The following ACVR2B variants were observed in gnomAD, a reference collection of about 807,000 sequenced individuals.
ACVR2B encodes the protein activin receptor type-2B.
In ACVR2B, 18 loss-of-function variants were observed where a neutral mutation model predicts 65.1. The observed-to-expected ratio is 0.28, with a 90% CI of 0.19 to 0.41. ACVR2B has a LOEUF of 0.41. Among genes scored for constraint, ACVR2B ranks in the 10% least tolerant of loss-of-function variants. ACVR2B has a pLI of 1.00. For synonymous variants in ACVR2B, 298 were observed against 277.7 expected, an observed-to-expected ratio of 1.07 and a Z score of -0.73; for missense variants, 482 against 682.7, an observed-to-expected ratio of 0.71 and a Z score of 3.28.
In ACVR2B at chr3:38,477,501, C is replaced by G. The variant is rs147683346; in HGVS notation, c.260+7C>G. 6.7e-5 allele frequency: 108 copies of G among 1,613,236 alleles called. No individual in the cohort carries two copies. In the East Asian group the frequency reaches 2.4e-3, roughly 36 times the overall value. On this transcript the variant is annotated splice_region_variant and intron_variant, in intron 2 of 10. Coordinates refer to ENST00000352511, the MANE Select transcript of ACVR2B (RefSeq NM_001106.4). The surrounding 1 kb of genome is among the most constrained non-coding windows in gnomAD (Gnocchi z 6.7). The stretch of plus-strand genomic sequence containing the variant: ...ACTTCAACTGCTACGATAGGTACCC[C>G]AAGACTTGCCCTCCTTTCCTCTTGG...
At chr3:38,476,865 G>A (rs1452270702) in intron 1 of ACVR2B, 2 of 301,710 alleles carry the variant, frequency 6.6e-6, no homozygotes, top group African/African-American at 4.3e-5. Flanking sequence ...ATTCCGATGT[G>A]CACTGGGGTT....
At chr3:38,476,121 A>T (rs889259340) in intron 1 of ACVR2B, 4 of 152,264 alleles carry the variant, frequency 2.6e-5, no homozygotes, top group Admixed American at 2.6e-4. Flanking sequence ...CTCCTTTGGC[A>T]TCTCCATACT....
intron 1 of ACVR2B, chr3:38,459,645 C>G: frequency 3.0e-6 from 3 of 985,416 alleles, no homozygotes; most frequent in Non-Finnish European, 3.6e-6. Flanking sequence ...GCCTGGAGCC[C>G]CCAGGCCGGG....
intron 1 of ACVR2B, 111 bp downstream of exon 1, chr3:38,454,485 C>A: frequency 1.0e-6 from 1 of 996,584 alleles, no homozygotes; most frequent in Non-Finnish European, 1.3e-6. Context: ...CGCCGCACCA[C>A]CTGTATTCAG....
chr3:38,483,908 CG>C lies in ACVR2B; in HGVS notation c.*579del, dbSNP rs1207562683. Reference sequence around the variant, plus strand: ...GCAGATGTGTCTTTCACGGATCTAACGGGTGTTGTCCTGATCGAGAAAAAAA... The same window carrying C: ...GCAGATGTGTCTTTCACGGATCTAACGGTGTTGTCCTGATCGAGAAAAAAA... On this transcript the variant is annotated 3_prime_UTR_variant, in exon 11 of 11. Coordinates refer to ENST00000352511, the MANE Select transcript of ACVR2B (RefSeq NM_001106.4). The surrounding 1 kb of genome is among the most constrained non-coding windows in gnomAD (Gnocchi z 4.8). 6.6e-6 allele frequency: 1 copy of C among 152,304 alleles called. No individual in the cohort carries two copies. Among genetic ancestry groups the C allele is most frequent in the Non-Finnish European group, 1.5e-5 (1 of 68,328 alleles). 9.4% of individuals were successfully genotyped at this position (152,304 alleles called of 1,614,324 possible).
intron 10 of ACVR2B, 94 bp downstream of exon 10, chr3:38,482,654 A>G: frequency 2.0e-6 from 3 of 1,536,998 alleles, no homozygotes; most frequent in South Asian, 1.2e-5. Flanking sequence ...GGGAATGGGC[A>G]AATAGAAAGT....
Position 38,485,025 on chromosome 3 carries a change from A to G in ACVR2B, c.*1693A>G, listed in dbSNP as rs2125728196. The G allele has an allele frequency of 6.6e-6, 1 of 152,532 alleles. No individual in the cohort carries two copies. Among genetic ancestry groups the G allele is most frequent in the South Asian group, 2.1e-4 (1 of 4,824 alleles). The allele number at this position is 152,532 out of a possible 1,614,324, so 9.4% of individuals were successfully genotyped here. On this transcript the variant is annotated 3_prime_UTR_variant, in exon 11 of 11. Coordinates refer to ENST00000352511, the MANE Select transcript of ACVR2B (RefSeq NM_001106.4). ...CTGTCTGGGCCAAGTCTGGGCATTT[A>G]TCAGTCTTGTTTGTGAAGGCTTTTC... is the stretch of plus-strand genomic sequence containing the variant.
chr3:38,475,083 G>A (rs1023815153), intron 1 of ACVR2B: 1 of 152,320 alleles, frequency 6.6e-6, no homozygotes, highest in Non-Finnish European at 1.5e-5. Flanking sequence ...GGGAGAGGAG[G>A]CCCTGTGGCC....
Position 38,478,433 on chromosome 3 carries a change from A to T in ACVR2B, c.581A>T (p.Glu194Val). Reference sequence around the variant, plus strand: ...GGCCTGAAGCCACTGCAGCTGCTGGAGATCAAGGCTCGGGGGCGCTTTGGC... The same window carrying T: ...GGCCTGAAGCCACTGCAGCTGCTGGTGATCAAGGCTCGGGGGCGCTTTGGC... The part of the protein sequence containing the change: ...LVGLKPLQLL[E>V]IKARGRFGCV... The change falls in exon 5 of 11, where the codon GAG (glutamate) becomes GTG (valine). Residue 194 changes from glutamate to valine, a missense_variant. Transcript: ENST00000352511. 1.9e-6 allele frequency: 3 copies of T among 1,614,086 alleles called. No homozygotes were observed. Among genetic ancestry groups the T allele is most frequent in the Non-Finnish European group, 2.5e-6 (3 of 1,180,008 alleles).
At chr3:38,459,643 C>T (rs1416794711) in intron 1 of ACVR2B, 9 of 985,276 alleles carry the variant, frequency 9.1e-6, no homozygotes, top group Non-Finnish European at 1.1e-5. Context: ...GGGCCTGGAG[C>T]CCCCAGGCCG....
intron 1 of ACVR2B, among the ~76,000 whole-genome samples, chr3:38,462,275 A>C (rs1420999293): frequency 6.6e-6 from 1 of 152,238 alleles, no homozygotes; most frequent in Non-Finnish European, 1.5e-5. Flanking sequence ...TCAAGCATTT[A>C]ATTGAAGTAT....
intron 1 of ACVR2B, among the ~76,000 whole-genome samples, chr3:38,462,930 G>A (rs534345371): frequency 6.6e-6 from 1 of 152,244 alleles, no homozygotes. Flanking sequence ...ATGGCAGTTG[G>A]CTCTCTGCGG....
At chr3:38,480,304 T>C (rs1367082421) in intron 7 of ACVR2B, among the ~76,000 whole-genome samples, 1 of 151,580 alleles carries the variant, frequency 6.6e-6, no homozygotes, top group East Asian at 1.9e-4. Flanking sequence ...ATTTTGACTT[T>C]ATAGATTCCC....
In ACVR2B at chr3:38,477,528, C is replaced by G; in HGVS notation, c.260+34C>G. 1 of 1,602,996 alleles carries G rather than the reference C, an allele frequency of 6.2e-7. No individual in the cohort carries two copies. Among genetic ancestry groups the G allele is most frequent in the Non-Finnish European group, 8.5e-7 (1 of 1,174,410 alleles). ...AGACTTGCCCTCCTTTCCTCTTGGA[C>G]CCACCTGCGCTTATACTGCCCACTG... On this transcript the variant is annotated intron_variant, in intron 2 of 10. Transcript: ENST00000352511. The surrounding 1 kb of genome is among the most constrained non-coding windows in gnomAD (Gnocchi z 6.7).
chr3:38,454,327 C>G lies in ACVR2B; in HGVS notation c.5C>G (p.Thr2Arg). ...CGCGGGGCGGCGCCGCGGAACATGA[C>G]GGCGCCCTGGGTGGCCCTCGCCCTC... M[T>R]APWVALALLW... Residue 2 changes from threonine (T) to arginine (R), a missense_variant, in exon 1 of 11, where the codon ACG (threonine) becomes AGG (arginine). Physicochemically the swap from Thr to Arg is moderately conservative, Grantham distance 71. This residue lies in a region of ACVR2B where 41 missense variants were observed against 38.2 expected (regional missense o/e 1.07). Transcript: ENST00000352511. 5 of 1,298,196 alleles carry G rather than the reference C, an allele frequency of 3.9e-6. No individual in the cohort carries two copies. The highest frequency in any genetic ancestry group is 4.9e-6 in the Non-Finnish European group (5 of 1,023,132). The allele number at this position is 1,298,196 out of a possible 1,614,324, so 80.4% of individuals were successfully genotyped here.
At chr3:38,455,447 GAGT>G (rs1233355274) in intron 1 of ACVR2B, among the ~76,000 whole-genome samples, 5 of 152,052 alleles carry the variant, frequency 3.3e-5, no homozygotes, top group Non-Finnish European at 7.4e-5. Context: ...CAGCCGCCTG[GAGT>G]CTGGGAAACC....
rs141560914 is a variant in ACVR2B, at chr3:38,470,561, G to C, written c.53-6726G>C. On this transcript the variant is annotated intron_variant, in intron 1 of 10. Transcript: ENST00000352511. ...AATATTTTTTTTCAGTAAGGACAGT[G>C]ATCTCAGAAAGAAAGGCAGAGATGC... Among the ~76,000 whole-genome samples the C allele has an allele frequency of 2.0e-5, 3 of 152,330 alleles. No homozygotes were observed. The East Asian group carries it at 5.8e-4, about 29-fold the overall frequency.
rs916477496 is a variant in ACVR2B at position 38,486,702 on chromosome 3, C to T, written c.*3370C>T. The T allele has an allele frequency of 6.6e-6, 1 of 152,198 alleles. No individual in the cohort carries two copies. Among genetic ancestry groups the T allele is most frequent in the Non-Finnish European group, 1.5e-5 (1 of 68,054 alleles). The allele number at this position is 152,198 out of a possible 1,614,324, so 9.4% of individuals were successfully genotyped here. A position where few individuals can be genotyped will look rare whatever the true frequency, so the allele number is the denominator to read the frequency against. On this transcript the variant is annotated 3_prime_UTR_variant, in exon 11 of 11. Transcript: ENST00000352511. ...AAGTTAGCAGAGAGTAGCCAAGGAT[C>T]CTTGCTTCTTCCTTTCTAGTGTGCT...
Position 38,454,152 on chromosome 3 carries a change from C to T in ACVR2B, c.-171C>T, listed in dbSNP as rs567565750. On this transcript the variant is annotated 5_prime_UTR_variant, in exon 1 of 11. Transcript: ENST00000352511. The stretch of plus-strand genomic sequence containing the variant: ...CTGAGCCCGGCCCCGCCGACCGGCC[C>T]TTGGAGCCCGAACGCTGCTCGGGGA... 90 of 352,644 alleles carry T rather than the reference C, an allele frequency of 2.6e-4. No individual in the cohort carries two copies. In the South Asian group the frequency reaches 9.3e-3, roughly 36 times the overall value. 21.8% of individuals were successfully genotyped at this position (352,644 alleles called of 1,614,324 possible).
Sources: allele counts gnomAD v4.1 joint callset (sites outside exome capture counted in the v4.1 genomes callset), GRCh38; gene constraint gnomAD v4.1.1; regional missense constraint gnomAD v4.1.1; non-coding constraint Gnocchi (gnomAD v3.1); transcripts MANE v1.5; gene names NCBI Gene and HGNC (gene_info 2026-07-23, HGNC 2026-07-21).